The following DNAH6 variants were observed in gnomAD, a reference collection of about 807,000 sequenced individuals.
DNAH6 encodes the protein dynein axonemal heavy chain 6.
A neutral mutation model predicts 491.4 loss-of-function variants in DNAH6; 340 were observed. The ratio of observed to expected loss-of-function variants is 0.69; its 90% CI spans 0.63 to 0.76. The LOEUF (loss-of-function observed/expected upper bound fraction) is 0.76, where lower values mean the gene tolerates loss of function less well. DNAH6 is among the 30% of genes least tolerant of loss of function. The probability of loss-of-function intolerance (pLI) is 0.00; values close to 1 mark genes in which losing one functional copy is unlikely to be tolerated. For synonymous variants in DNAH6, 1,603 were observed against 1,686.1 expected (o/e 0.95, Z 1.21); for missense variants, 4,443 against 4,972.2 (o/e 0.89, Z 3.20).
intron 30 of DNAH6, among the ~76,000 whole-genome samples, chr2:84,635,168 T>C (rs913784700): frequency 6.6e-6 from 1 of 152,186 alleles, no homozygotes; most frequent in Non-Finnish European, 1.5e-5. Flanking sequence ...GCTATCTCAT[T>C]GGAAGGTGTC....
intron 20 of DNAH6, 25 bp downstream of exon 20, chr2:84,605,617 T>C (rs932070332): frequency 1.3e-6 from 2 of 1,485,394 alleles, no homozygotes; most frequent in East Asian, 2.5e-5. Context: ...TATTGAAAAC[T>C]TATGGTAAAG....
intron 62 of DNAH6, among the ~76,000 whole-genome samples, chr2:84,734,109 A>C (rs894044444): frequency 1.3e-5 from 2 of 150,954 alleles, no homozygotes; most frequent in Non-Finnish European, 3.0e-5. Flanking sequence ...TTTCCCTGCA[A>C]GTCTTAATAT....
chr2:84,659,295 A>T, intron 37 of DNAH6, 126 bp downstream of exon 37: 1 of 519,414 alleles, frequency 1.9e-6, no homozygotes, highest in Admixed American at 4.2e-5. Context: ...TCCTAAAATT[A>T]TTCATGTTTT....
intron 4 of DNAH6, among the ~76,000 whole-genome samples, chr2:84,530,430 CT>C (rs1279547340): frequency 6.6e-6 from 1 of 152,092 alleles, no homozygotes; most frequent in African/African-American, 2.4e-5. Context: ...ACATCCTGAA[CT>C]GGGAGCAGAC....
chr2:84,566,790 A>G (rs1681241116), intron 11 of DNAH6, among the ~76,000 whole-genome samples: 1 of 152,124 alleles, frequency 6.6e-6, no homozygotes, highest in Admixed American at 6.5e-5. Context: ...GTACTGGCAC[A>G]TGAATAGCTG....
chr2:84,573,671 T>A, intron 12 of DNAH6, 84 bp downstream of exon 12: 1 of 1,242,776 alleles, frequency 8.0e-7, no homozygotes, highest in Non-Finnish European at 1.1e-6. Context: ...TGGTGGTGTC[T>A]GGGGACACAA....
chr2:84,718,392 A>G lies in DNAH6; in HGVS notation c.9792+8A>G. The G allele has an allele frequency of 6.6e-7, 1 of 1,519,634 alleles. No homozygotes were observed. Among genetic ancestry groups the G allele is most frequent in the African/African-American group, 1.4e-5 (1 of 71,422 alleles). 94.1% of individuals were successfully genotyped at this position (1,519,634 alleles called of 1,614,324 possible). Reference sequence around the variant, plus strand: ...ACACTCCAGGATTCAAAGGCAAGTAAAATATTTTTAGTACTTATGGAAAGT... The same window carrying G: ...ACACTCCAGGATTCAAAGGCAAGTAGAATATTTTTAGTACTTATGGAAAGT... On this transcript the variant is annotated splice_region_variant and intron_variant, in intron 59 of 76. Transcript: ENST00000389394.
At chr2:84,547,862 C>T (rs999073277) in intron 7 of DNAH6, among the ~76,000 whole-genome samples, 1 of 152,138 alleles carries the variant, frequency 6.6e-6, no homozygotes, top group Non-Finnish European at 1.5e-5. Context: ...TTAATAAGCA[C>T]TTTAGAGTGG....
At chr2:84,730,751 C>T (rs1699055255) in intron 61 of DNAH6, among the ~76,000 whole-genome samples, 1 of 152,130 alleles carries the variant, frequency 6.6e-6, no homozygotes, top group Non-Finnish European at 1.5e-5. Flanking sequence ...AATCAGAAAA[C>T]TTTACATGAA....
chr2:84,677,647 C>A (rs1472996479), intron 41 of DNAH6, among the ~76,000 whole-genome samples: 1 of 152,204 alleles, frequency 6.6e-6, no homozygotes, highest in African/African-American at 2.4e-5. Context: ...CCCTAATAGG[C>A]TACTTCCCCA....
intron 14 of DNAH6, among the ~76,000 whole-genome samples, chr2:84,582,405 CCTT>C (rs1683115995): frequency 6.6e-6 from 1 of 152,120 alleles, no homozygotes; most frequent in Non-Finnish European, 1.5e-5. Context: ...ACTTGCTAGA[CCTT>C]CTGAATCAGA....
chr2:84,525,589 C>G lies in DNAH6; in HGVS notation c.250C>G (p.His84Asp). The G allele has an allele frequency of 6.5e-7, 1 of 1,547,176 alleles. No homozygotes were observed. The highest frequency in any genetic ancestry group is 8.7e-7 in the Non-Finnish European group (1 of 1,145,438). The change falls in exon 3 of 77, where the codon CAT (histidine) becomes GAT (aspartate). Residue 84 changes from histidine (H) to aspartate (D), a missense_variant. His to Asp is a moderately conservative substitution (Grantham distance 81). Around this residue, in one of 3 missense-constraint regions of DNAH6, gnomAD observed 2,977 missense variants for 3,296.6 expected, o/e 0.90. Transcript: ENST00000389394. Reference protein sequence around the residue: ...PLPVLKVYQDHKQPEYIHEQN... With the variant: ...PLPVLKVYQDDKQPEYIHEQN... ...GCCAGTGCTAAAAGTCTACCAAGAT[C>G]ATAAGCAGCCAGAATACATACATGA...
chr2:84,757,180 A>G (rs1173677279), intron 63 of DNAH6, among the ~76,000 whole-genome samples: 3 of 152,204 alleles, frequency 2.0e-5, no homozygotes, highest in Non-Finnish European at 4.4e-5. Context: ...AAAATATCCA[A>G]AAGAGGCACA....
intron 60 of DNAH6, among the ~76,000 whole-genome samples, chr2:84,724,759 C>A (rs966433211): frequency 1.2e-4 from 18 of 152,130 alleles, no homozygotes; most frequent in African/African-American, 4.1e-4. Context: ...TACAGGGCAA[C>A]TGGGTTCCAA....
At chr2:84,471,575 G>T in the DNAH6 span, among the ~76,000 whole-genome samples, 1 of 152,032 alleles carries the variant, frequency 6.6e-6, no homozygotes, top group African/African-American at 2.4e-5. Context: ...TTGTGACTCT[G>T]GTCGGTCCTC....
intron 60 of DNAH6, among the ~76,000 whole-genome samples, chr2:84,723,446 C>A (rs1019630005): frequency 3.9e-5 from 6 of 152,154 alleles, no homozygotes; most frequent in Non-Finnish European, 7.4e-5. Context: ...CCTCAACTAG[C>A]TAGCATGTTT....
chr2:84,611,330 G>C (rs193089877), intron 21 of DNAH6, among the ~76,000 whole-genome samples: 1 of 152,204 alleles, frequency 6.6e-6, no homozygotes, highest in East Asian at 1.9e-4. Flanking sequence ...GTGTATGTTT[G>C]AAAATGGTCA....
chr2:84,541,895 G>A (rs1678286393), intron 4 of DNAH6, among the ~76,000 whole-genome samples: 1 of 152,094 alleles, frequency 6.6e-6, no homozygotes, highest in Admixed American at 6.6e-5. Flanking sequence ...TTCTCATTCT[G>A]CGATGGACTC....
chr2:84,599,116 CA>C (rs1558775884), intron 18 of DNAH6, among the ~76,000 whole-genome samples: 4 of 151,334 alleles, frequency 2.6e-5, no homozygotes, highest in South Asian at 2.1e-4. Flanking sequence ...ATTTGCCATC[CA>C]TCTATATTCT....
Sources: allele counts gnomAD v4.1 joint callset (sites outside exome capture counted in the v4.1 genomes callset), GRCh38; gene constraint gnomAD v4.1.1; regional missense constraint gnomAD v4.1.1; transcripts MANE v1.5; gene names NCBI Gene and HGNC (gene_info 2026-07-23, HGNC 2026-07-21).